Variants in CYFIP1 observed in about 807,000 individuals in gnomAD.
CYFIP1 encodes the protein cytoplasmic FMR1-interacting protein 1.
Under a neutral mutation model 163.5 loss-of-function variants are expected in CYFIP1, and 58 were observed. The observed-to-expected ratio is 0.35, with a 90% CI of 0.29 to 0.44. The LOEUF is 0.44. Among genes scored for constraint, CYFIP1 ranks in the 20% least tolerant of loss-of-function variants. CYFIP1 has a pLI of 1.00. For missense variants in CYFIP1, 1,338 were observed against 1,653.8 expected (o/e 0.81, Z 3.31); for synonymous variants, 663 against 660.7 (o/e 1.00, Z -0.05).
At chr15:22,877,632 T>G (rs1291423286) in intron 26 of CYFIP1, among the ~76,000 whole-genome samples, 1 of 152,204 alleles carries the variant, frequency 6.6e-6, no homozygotes, top group Non-Finnish European at 1.5e-5. Flanking sequence ...GGACACTGGC[T>G]TCTTGCTGGT....
intron 17 of CYFIP1, among the ~76,000 whole-genome samples, chr15:22,913,595 T>A (rs1190820116): frequency 1.7e-4 from 7 of 41,444 alleles, no homozygotes; most frequent in Admixed American, 3.0e-4. Context: ...CGGAAGTACA[T>A]AGACAGCATT....
intron 6 of CYFIP1, among the ~76,000 whole-genome samples, chr15:22,940,583 G>A (rs1021954952): frequency 3.3e-5 from 5 of 152,204 alleles, no homozygotes; most frequent in Admixed American, 2.6e-4. Flanking sequence ...CCTGGGTCCC[G>A]TAGAGCCTCG....
chr15:22,943,494 A>T, intron 5 of CYFIP1, 140 bp from the exon 6 acceptor site: 1 of 895,218 alleles, frequency 1.1e-6, no homozygotes, highest in African/African-American at 1.7e-5. Flanking sequence ...AGTGTTTACA[A>T]TGTGGGCAAC....
In CYFIP1 at chr15:22,917,702, C is replaced by T. The variant is rs1453520164; in HGVS notation, c.1674+86G>A. ...AGCAGGCAGCGAGGACCTCATTTAA[C>T]CCGGGCCTCACCAGCCCCACCCGCT... On this transcript the variant is annotated intron_variant, in intron 15 of 30. Coordinates refer to ENST00000617928, the MANE Select transcript of CYFIP1 (RefSeq NM_014608.6). This position sits in a 1 kb window ranked among gnomAD's most constrained non-coding sequence, Gnocchi z 4.2. 2.1e-6 allele frequency: 3 copies of T among 1,449,888 alleles called. No homozygotes were observed. Among genetic ancestry groups the T allele is most frequent in the Non-Finnish European group, 1.8e-6 (2 of 1,090,492 alleles). 89.8% of individuals were successfully genotyped at this position (1,449,888 alleles called of 1,614,324 possible).
intron 22 of CYFIP1, 106 bp from the exon 23 acceptor site, chr15:22,893,083 A>G (rs1042013274): frequency 1.3e-6 from 1 of 759,836 alleles, no homozygotes; most frequent in African/African-American, 1.8e-5. Context: ...CTCCCAGTCA[A>G]CTGATACAAT....
At chr15:22,934,880 C>T (rs546825602) in intron 9 of CYFIP1, among the ~76,000 whole-genome samples, 16 of 151,454 alleles carry the variant, frequency 1.1e-4, no homozygotes, top group Non-Finnish European at 2.2e-4. Context: ...AAAAAAAATG[C>T]ATCAGTAAAT....
At chr15:22,922,718 G>T (rs1442770467) in intron 13 of CYFIP1, among the ~76,000 whole-genome samples, 3 of 152,198 alleles carry the variant, frequency 2.0e-5, no homozygotes, top group Non-Finnish European at 4.4e-5. Flanking sequence ...GAGGCTGGGC[G>T]TGGCGGCTCA....
chr15:22,909,462 G>T, intron 20 of CYFIP1, 149 bp from the exon 21 acceptor site: 1 of 881,570 alleles, frequency 1.1e-6, no homozygotes, highest in African/African-American at 1.7e-5. Context: ...CCACATACAT[G>T]GCAGCCTGTG....
In CYFIP1 at chr15:22,978,464, A is replaced by C. The variant is rs371619055; in HGVS notation, c.-7+1823T>G. Among the ~76,000 whole-genome samples, 17 of 151,654 alleles carry C rather than the reference A, an allele frequency of 1.1e-4. No homozygotes were observed. The East Asian group carries it at 3.3e-3, about 29-fold the overall frequency. On this transcript the variant is annotated intron_variant, in intron 1 of 30. Transcript: ENST00000617928. ...ATATCAACATGTAAAGATTGCTAAG[A>C]TCTTTAAGTAACCAAACATCATTAA...
chr15:22,946,802 G>A (rs1434164249), intron 3 of CYFIP1: 1 of 698,022 alleles, frequency 1.4e-6, no homozygotes, highest in South Asian at 1.5e-5. Flanking sequence ...CTGGGCCAGA[G>A]ACATTGAATT....
At chr15:22,937,051 T>C (rs1379224875) in intron 9 of CYFIP1, 53 bp downstream of exon 9, 5 of 1,305,862 alleles carry the variant, frequency 3.8e-6, no homozygotes, top group Non-Finnish European at 5.5e-6. Flanking sequence ...TTCCCCAAAA[T>C]TCAAAGTGCA....
At chr15:22,935,631 G>A (rs1019212615) in intron 9 of CYFIP1, among the ~76,000 whole-genome samples, 9 of 152,076 alleles carry the variant, frequency 5.9e-5, no homozygotes, top group African/African-American at 1.9e-4. Context: ...GGAGGCAGGA[G>A]GAGGAAGGGA....
At chr15:22,946,886 A>G (rs2062080983) in intron 3 of CYFIP1, 117 bp downstream of exon 3, 1 of 877,714 alleles carries the variant, frequency 1.1e-6, no homozygotes, top group African/African-American at 1.7e-5. Flanking sequence ...CATTTCATTC[A>G]TTTTCTTCTC....
rs781040291 is a variant in CYFIP1 at position 22,947,048 on chromosome 15, A to G, written c.162T>C (p.Thr54=). The G allele has an allele frequency of 5.6e-6, 9 of 1,614,070 alleles. No homozygotes were observed. The African/African-American group carries it at 1.1e-4, about 19-fold the overall frequency. The change falls in exon 3 of 31, where the codon ACT becomes ACC. Residue 54 remains threonine, a synonymous_variant. Transcript: ENST00000617928. The part of the protein sequence containing the change: ...TNFEDRNAFV[T]GIARYIEQAT... ...CTTGTTCAATGTATCTTGCGATGCCAGTAACAAATGCATTTCTGTCTTCAA... is the reference window on the plus strand; with the variant it reads ...CTTGTTCAATGTATCTTGCGATGCCGGTAACAAATGCATTTCTGTCTTCAA...
At chr15:22,946,266 T>G (rs2062055126) in intron 3 of CYFIP1, among the ~76,000 whole-genome samples, 1 of 150,580 alleles carries the variant, frequency 6.6e-6, no homozygotes, top group African/African-American at 2.5e-5. Flanking sequence ...ATCACACCAC[T>G]GCACTCTAGC....
At chr15:22,966,297 C>T (rs1326466567) in intron 1 of CYFIP1, among the ~76,000 whole-genome samples, 2 of 150,682 alleles carry the variant, frequency 1.3e-5, no homozygotes, top group African/African-American at 4.9e-5. Flanking sequence ...CGCTCGAACC[C>T]GGGAGGCAGA....
At chr15:22,922,998 GAA>G (rs143228716) in intron 13 of CYFIP1, among the ~76,000 whole-genome samples, 3 of 134,050 alleles carry the variant, frequency 2.2e-5, no homozygotes, top group Admixed American at 7.5e-5. Context: ...TCTCAAAAAA[GAA>G]AAAAAAAAAA....
intron 22 of CYFIP1, among the ~76,000 whole-genome samples, chr15:22,903,404 C>T (rs377421003): frequency 6.6e-6 from 1 of 152,182 alleles, no homozygotes; most frequent in Admixed American, 6.5e-5. Context: ...CACACTCCAA[C>T]ATGCCAGCAC....
intron 30 of CYFIP1, chr15:22,872,587 G>C (rs2059468690): frequency 2.1e-6 from 1 of 484,530 alleles, no homozygotes; most frequent in South Asian, 2.2e-5. Context: ...GATCCTGTAA[G>C]ACTGGAAGTA....
Sources: gnomAD v4.1 joint callset for allele counts (sites outside exome capture counted in the v4.1 genomes callset) on GRCh38, gnomAD v4.1.1 for gene constraint, Gnocchi (gnomAD v3.1) non-coding constraint, MANE v1.5 for transcripts, NCBI Gene and HGNC (gene_info 2026-07-23, HGNC 2026-07-21) for gene names.